Variants in LDLRAD2 observed in about 807,000 individuals in gnomAD.
The protein encoded by LDLRAD2 is low-density lipoprotein receptor class A domain-containing protein 2.
LDLRAD2 carries 25 observed loss-of-function variants against 24.9 expected under a neutral mutation model. The ratio of observed to expected loss-of-function variants is 1.00; its 90% CI spans 0.73 to 1.40. The LOEUF is 1.40. Among genes scored for constraint, LDLRAD2 ranks in the 40% most tolerant of loss-of-function variants. The pLI, the probability that LDLRAD2 is intolerant of heterozygous loss-of-function variation, is 0.00. For synonymous variants in LDLRAD2, 182 were observed against 166.7 expected (o/e 1.09, Z -0.71); for missense variants, 391 against 366.2 (o/e 1.07, Z -0.55).
intron 3 of LDLRAD2, 44 bp from the exon 4 acceptor site, chr1:21,821,406 A>G: frequency 1.2e-6 from 2 of 1,607,590 alleles, no homozygotes; most frequent in Non-Finnish European, 1.7e-6. Flanking sequence ...AGTGTCCCAG[A>G]AAGGGCAGTT....
chr1:21,815,843 C>T lies in LDLRAD2; in HGVS notation c.512-100C>T. ...TCTGCATGCATGAGGGCAGCTCTCT[C>T]CTGCCCACACCCCCACACTGTCACC... is the stretch of plus-strand genomic sequence containing the variant. On this transcript the variant is annotated intron_variant, in intron 2 of 4. Transcript: ENST00000344642. 3 of 1,441,182 alleles carry T rather than the reference C, an allele frequency of 2.1e-6. No homozygotes were observed. The South Asian group carries it at 3.8e-5, about 18-fold the overall frequency. 89.3% of individuals were successfully genotyped at this position (1,441,182 alleles called of 1,614,324 possible). A position where few individuals can be genotyped will look rare whatever the true frequency, so the allele number is the denominator to read the frequency against.
In LDLRAD2 at chr1:21,824,154, T is replaced by C. The variant is rs770008223; in HGVS notation, c.*1939T>C. On this transcript the variant is annotated 3_prime_UTR_variant, in exon 5 of 5. Coordinates refer to ENST00000344642, the MANE Select transcript of LDLRAD2 (RefSeq NM_001013693.3). The surrounding 1 kb of genome is among the most constrained non-coding windows in gnomAD (Gnocchi z 5.9). ...TGTCACCCGGTGCCACTCGCCGTCA[T>C]TGATGGGGTCCTCAGAGACCAGGCG... 9.9e-6 allele frequency: 16 copies of C among 1,613,654 alleles called. No individual in the cohort carries two copies. The highest frequency in any genetic ancestry group is 5.1e-6 in the Non-Finnish European group (6 of 1,180,008).
chr1:21,816,264 C>A (rs899500933), intron 3 of LDLRAD2, among the ~76,000 whole-genome samples, 190 bp downstream of exon 3: 2 of 152,226 alleles, frequency 1.3e-5, no homozygotes, highest in Admixed American at 1.3e-4. Context: ...TGATCTCATC[C>A]GGCGGATTCC....
chr1:21,819,332 G>A (rs1237451694), intron 3 of LDLRAD2, among the ~76,000 whole-genome samples: 2 of 151,710 alleles, frequency 1.3e-5, no homozygotes, highest in Non-Finnish European at 2.9e-5. Flanking sequence ...GAGATCGCAC[G>A]GTTGCACTCC....
intron 3 of LDLRAD2, among the ~76,000 whole-genome samples, chr1:21,818,036 T>C (rs950211808): frequency 3.3e-5 from 5 of 150,900 alleles, no homozygotes; most frequent in Admixed American, 6.6e-5. Flanking sequence ...ACCACCACGC[T>C]CAGCTAATTT....
rs1186433236 is a variant in LDLRAD2 at position 21,814,678 on chromosome 1, GC to G, written c.370del (p.Arg124GlyfsTer10). The G allele has an allele frequency of 1.9e-6, 3 of 1,568,398 alleles. No homozygotes were observed. Among genetic ancestry groups the G allele is most frequent in the East Asian group, 2.4e-5 (1 of 41,828 alleles). Reference protein sequence around the residue: ...LQFYEGPPGAPRPLGSPLCGL... With the variant: ...LQFYEGPPGAXRPLGSPLCGL... Reference sequence around the variant, plus strand: ...AGTTCTACGAGGGCCCGCCGGGGGCGCCCCGGCCCCTGGGGTCCCCACTGTG... The same window carrying G: ...AGTTCTACGAGGGCCCGCCGGGGGCGCCCGGCCCCTGGGGTCCCCACTGTG... On this transcript the variant is annotated frameshift_variant, in exon 2 of 5. Coordinates refer to ENST00000344642, the MANE Select transcript of LDLRAD2 (RefSeq NM_001013693.3). LOFTEE classifies it high-confidence loss of function.
Position 21,822,465 on chromosome 1 carries a change from A to G in LDLRAD2, c.*250A>G, listed in dbSNP as rs989779765. 6.0e-6 allele frequency: 3 copies of G among 497,606 alleles called. No individual in the cohort carries two copies. The East Asian group carries it at 1.1e-4, about 17-fold the overall frequency. The allele number at this position is 497,606 out of a possible 1,614,324, so 30.8% of individuals were successfully genotyped here. A position where few individuals can be genotyped will look rare whatever the true frequency, so the allele number is the denominator to read the frequency against. On this transcript the variant is annotated 3_prime_UTR_variant, in exon 5 of 5. Transcript: ENST00000344642. The stretch of plus-strand genomic sequence containing the variant: ...CCTGCCTTCCCCCACCTAAGGCACT[A>G]GCTCTTCCTGAGCACCAGCGGCATC...
chr1:21,814,534 C>G lies in LDLRAD2; in HGVS notation c.222C>G (p.Gly74=), dbSNP rs756432404. Reference sequence around the variant, plus strand: ...TCTGGGTGCAGGCGGCAGCCCCCGGCGACCGGATCCGCTTCCAGTTCCGCT... The same window carrying G: ...TCTGGGTGCAGGCGGCAGCCCCCGGGGACCGGATCCGCTTCCAGTTCCGCT... ...CGLWVQAAAP[G]DRIRFQFRFF... Residue 74 remains glycine (G), a synonymous_variant, in exon 2 of 5, where the codon GGC becomes GGG. Transcript: ENST00000344642. 1 of 1,612,320 alleles carries G rather than the reference C, an allele frequency of 6.2e-7. No individual in the cohort carries two copies. The highest frequency in any genetic ancestry group is 1.3e-5 in the African/African-American group (1 of 74,892).
Position 21,822,482 on chromosome 1 carries a change from AGCG to A in LDLRAD2, c.*270_*272del. ...AAGGCACTAGCTCTTCCTGAGCACC[AGCG>A]GCATCCGTCCGTCCGTTGTCTGTTG... On this transcript the variant is annotated 3_prime_UTR_variant, in exon 5 of 5. Transcript: ENST00000344642. The A allele has an allele frequency of 2.4e-6, 1 of 418,458 alleles. No individual in the cohort carries two copies. 25.9% of individuals were successfully genotyped at this position (418,458 alleles called of 1,614,324 possible). A position where few individuals can be genotyped will look rare whatever the true frequency, so the allele number is the denominator to read the frequency against.
chr1:21,816,804 C>T (rs983046173), intron 3 of LDLRAD2, among the ~76,000 whole-genome samples: 3 of 152,144 alleles, frequency 2.0e-5, no homozygotes, highest in Admixed American at 2.0e-4. Context: ...TTCCCTGATG[C>T]TGTATGCTTT....
rs2152684434 is a variant in LDLRAD2 at position 21,824,960 on chromosome 1, A to C, written c.*2745A>C. On this transcript the variant is annotated 3_prime_UTR_variant, in exon 5 of 5. Coordinates refer to ENST00000344642, the MANE Select transcript of LDLRAD2 (RefSeq NM_001013693.3). The surrounding 1 kb of genome is among the most constrained non-coding windows in gnomAD (Gnocchi z 5.9). ...GGGAGCCTATGACCTTGGATGGGAA[A>C]GCATTACACCTCAATTTCACTCACT... is the stretch of plus-strand genomic sequence containing the variant. 1.5e-6 allele frequency: 1 copy of C among 655,664 alleles called. No individual in the cohort carries two copies. The allele number at this position is 655,664 out of a possible 1,614,324, so 40.6% of individuals were successfully genotyped here. A position where few individuals can be genotyped will look rare whatever the true frequency, so the allele number is the denominator to read the frequency against.
chr1:21,816,808 A>T (rs1346994888), intron 3 of LDLRAD2, among the ~76,000 whole-genome samples: 7 of 152,150 alleles, frequency 4.6e-5, no homozygotes, highest in African/African-American at 1.7e-4. Context: ...CTGATGCTGT[A>T]TGCTTTGTGC....
chr1:21,814,518 A>G lies in LDLRAD2; in HGVS notation c.206A>G (p.Gln69Arg). ...GACACCGACTGCGGGCTCTGGGTGC[A>G]GGCGGCAGCCCCCGGCGACCGGATC... is the stretch of plus-strand genomic sequence containing the variant. Reference protein sequence around the residue: ...APDTDCGLWVQAAAPGDRIRF... With the variant: ...APDTDCGLWVRAAAPGDRIRF... Residue 69 changes from glutamine (Q) to arginine (R), a missense_variant, in exon 2 of 5, where the codon CAG becomes CGG. Physicochemically the swap from Gln to Arg is conservative, Grantham distance 43 (BLOSUM62 1). Transcript: ENST00000344642. The G allele has an allele frequency of 6.2e-7, 1 of 1,612,620 alleles. No individual in the cohort carries two copies. Among genetic ancestry groups the G allele is most frequent in the Non-Finnish European group, 8.5e-7 (1 of 1,179,728 alleles).
chr1:21,821,589 G>A lies in LDLRAD2; in HGVS notation c.783G>A (p.Thr261=), dbSNP rs570413286. 44 of 1,614,004 alleles carry A rather than the reference G, an allele frequency of 2.7e-5. No homozygotes were observed. Among genetic ancestry groups the A allele is most frequent in the South Asian group, 2.0e-4 (18 of 91,080 alleles). ...GTTCCCCAGCAGGCAGGGACCCCAC[G>A]AGACAAGACGCAGCTTTGGAAGGTT... The part of the protein sequence containing the change: ...ERSSPAGRDP[T]RQDAALEGST... The change falls in exon 4 of 5, where the codon ACG becomes ACA. Residue 261 remains threonine (T), a synonymous_variant. Coordinates refer to ENST00000344642, the MANE Select transcript of LDLRAD2 (RefSeq NM_001013693.3).
At chr1:21,821,656 C>G in intron 4 of LDLRAD2, 45 bp downstream of exon 4, 1 of 1,604,104 alleles carries the variant, frequency 6.2e-7, no homozygotes, top group Non-Finnish European at 8.5e-7. Flanking sequence ...ATACCTGTCC[C>G]TCTCTAGGTG....
Position 21,822,275 on chromosome 1 carries a change from T to C in LDLRAD2, c.*60T>C. The C allele has an allele frequency of 1.9e-6, 3 of 1,569,370 alleles. No individual in the cohort carries two copies. The highest frequency in any genetic ancestry group is 1.8e-6 in the Non-Finnish European group (2 of 1,139,980). On this transcript the variant is annotated 3_prime_UTR_variant, in exon 5 of 5. Transcript: ENST00000344642. The stretch of plus-strand genomic sequence containing the variant: ...GGATAGCACCGTTTATTAAGAAAAA[T>C]CAAGACAAAGACCACAGGAGGGTCC...
At chr1:21,812,996 T>A (rs1232778937) in intron 1 of LDLRAD2, among the ~76,000 whole-genome samples, 1 of 152,198 alleles carries the variant, frequency 6.6e-6, no homozygotes, top group Non-Finnish European at 1.5e-5. Flanking sequence ...ACCTGGCACA[T>A]AAAAGGTGCC....
At position 21,824,712 on chromosome 1, in the gene LDLRAD2, G is replaced by T; in HGVS notation, c.*2497G>T. On this transcript the variant is annotated 3_prime_UTR_variant, in exon 5 of 5. Transcript: ENST00000344642. This position sits in a 1 kb window ranked among gnomAD's most constrained non-coding sequence, Gnocchi z 5.9. ...TCCAATGCCAGTCTCACCTCCTGGAGAAGACATGGCCAGGGAAGGCGAGGA... is the reference window on the plus strand; with the variant it reads ...TCCAATGCCAGTCTCACCTCCTGGATAAGACATGGCCAGGGAAGGCGAGGA... The T allele has an allele frequency of 6.2e-7, 1 of 1,613,762 alleles. No individual in the cohort carries two copies. The highest frequency in any genetic ancestry group is 2.2e-5 in the East Asian group (1 of 44,870).
chr1:21,812,326 C>T lies in LDLRAD2; in HGVS notation c.-126C>T. On this transcript the variant is annotated 5_prime_UTR_variant, in exon 1 of 5. Coordinates refer to ENST00000344642, the MANE Select transcript of LDLRAD2 (RefSeq NM_001013693.3). ...TAAGATCATAGTGAAGACTTGCCTC[C>T]CCCTTCTCCTTGTGTCCCACCAGCC... 1 of 666,606 alleles carries T rather than the reference C, an allele frequency of 1.5e-6. No individual in the cohort carries two copies. The highest frequency in any genetic ancestry group is 2.5e-5 in the Admixed American group (1 of 40,152). The allele number at this position is 666,606 out of a possible 1,614,324, so 41.3% of individuals were successfully genotyped here. A position where few individuals can be genotyped will look rare whatever the true frequency, so the allele number is the denominator to read the frequency against.
Sources: allele counts gnomAD v4.1 joint callset (sites outside exome capture counted in the v4.1 genomes callset), GRCh38; gene constraint gnomAD v4.1.1; non-coding constraint Gnocchi (gnomAD v3.1); transcripts MANE v1.5; gene names NCBI Gene and HGNC (gene_info 2026-07-23, HGNC 2026-07-21).